Variants in MARCHF1 observed in about 807,000 individuals in gnomAD.
MARCHF1 encodes membrane associated ring-CH-type finger 1.
In MARCHF1, 40 loss-of-function variants were observed where a neutral mutation model predicts 54.2. That is an observed-to-expected ratio of 0.74 (90% CI 0.57 to 0.96). The LOEUF is 0.96. MARCHF1 is among the 40% of genes least tolerant of loss of function. MARCHF1 has a pLI of 0.00. For missense variants in MARCHF1, 586 were observed against 656.5 expected (o/e 0.89, Z 1.17); for synonymous variants, 236 against 236.3 (o/e 1.00, Z 0.01).
intron 8 of MARCHF1, chr4:163,585,343 T>C (rs906567841): frequency 3.3e-5 from 5 of 152,878 alleles, no homozygotes; most frequent in Non-Finnish European, 7.3e-5. Flanking sequence ...AGAAATTTGA[T>C]GAGTTGATGT....
rs1274008511 is a variant in MARCHF1, at chr4:163,833,597, GC to G, written c.111+20423del. Reference sequence around the variant, plus strand: ...CTTCTCAAAAGAAGACATTTATGCAGCCAAAAAACACATGAAAAAATGCTCA... The same window carrying G: ...CTTCTCAAAAGAAGACATTTATGCAGCAAAAAACACATGAAAAAATGCTCA... On this transcript the variant is annotated intron_variant, in intron 4 of 9. Coordinates refer to ENST00000514618, the MANE Select transcript of MARCHF1 (RefSeq NM_001394959.1). Among the ~76,000 whole-genome samples the G allele has an allele frequency of 2.0e-5, 3 of 152,102 alleles. No homozygotes were observed. In the South Asian group the frequency reaches 6.2e-4, roughly 31 times the overall value.
intron 5 of MARCHF1, among the ~76,000 whole-genome samples, chr4:163,657,783 C>T (rs1225814891): frequency 6.6e-6 from 1 of 152,056 alleles, no homozygotes; most frequent in Non-Finnish European, 1.5e-5. Context: ...TGATTTTCAA[C>T]AAACCTTACA....
intron 5 of MARCHF1, among the ~76,000 whole-genome samples, chr4:163,687,696 T>C (rs1435711192): frequency 6.6e-6 from 1 of 152,216 alleles, no homozygotes; most frequent in Non-Finnish European, 1.5e-5. Context: ...AGAGTTCTTC[T>C]GGTTCACCCT....
At chr4:164,156,171 G>C (rs758583090) in intron 1 of MARCHF1, among the ~76,000 whole-genome samples, 1 of 152,222 alleles carries the variant, frequency 6.6e-6, no homozygotes, top group South Asian at 2.1e-4. Flanking sequence ...AACTTTTAGA[G>C]GTGAGGCCCC....
intron 5 of MARCHF1, among the ~76,000 whole-genome samples, chr4:163,649,478 C>G (rs935147631): frequency 6.6e-6 from 1 of 151,956 alleles, no homozygotes; most frequent in South Asian, 2.1e-4. Flanking sequence ...AGAGATTGAT[C>G]TGGTGAAATT....
At chr4:164,371,237 C>T (rs1731029860) in intron 1 of MARCHF1, among the ~76,000 whole-genome samples, 1 of 151,904 alleles carries the variant, frequency 6.6e-6, no homozygotes, top group Admixed American at 6.6e-5. Context: ...TCCCTATTTC[C>T]AAAACAACTA....
intron 2 of MARCHF1, among the ~76,000 whole-genome samples, chr4:164,080,685 T>C (rs1755077671): frequency 6.6e-6 from 1 of 151,756 alleles, no homozygotes; most frequent in South Asian, 2.1e-4. Context: ...TATATATATA[T>C]GTGTGTGTAT....
At chr4:164,127,377 T>A (rs1290809099) in intron 1 of MARCHF1, among the ~76,000 whole-genome samples, 1 of 152,180 alleles carries the variant, frequency 6.6e-6, no homozygotes. Flanking sequence ...CCTGTCCATG[T>A]TGAAAGAGAT....
At chr4:163,727,421 C>G (rs1048103250) in intron 4 of MARCHF1, among the ~76,000 whole-genome samples, 2 of 152,020 alleles carry the variant, frequency 1.3e-5, no homozygotes, top group African/African-American at 4.8e-5. Flanking sequence ...CATTCTCCTG[C>G]CTCAGCCTCC....
chr4:164,362,089 GT>G (rs1240373805), intron 1 of MARCHF1, among the ~76,000 whole-genome samples: 1 of 152,050 alleles, frequency 6.6e-6, no homozygotes, highest in Non-Finnish European at 1.5e-5. Flanking sequence ...CACAAAAAAT[GT>G]AGTTTAAATT....
intron 2 of MARCHF1, among the ~76,000 whole-genome samples, chr4:164,046,070 C>A (rs937708701): frequency 6.6e-6 from 1 of 152,142 alleles, no homozygotes; most frequent in Non-Finnish European, 1.5e-5. Flanking sequence ...TCTCTAATTT[C>A]TAAATTAAAG....
At chr4:163,545,097 A>G (rs1306820933) in intron 9 of MARCHF1, among the ~76,000 whole-genome samples, 2 of 152,228 alleles carry the variant, frequency 1.3e-5, no homozygotes, top group African/African-American at 4.8e-5. Context: ...CTTCACAATC[A>G]AACTTCGCAT....
At chr4:164,239,271 A>G (rs1732657506) in intron 1 of MARCHF1, among the ~76,000 whole-genome samples, 1 of 152,114 alleles carries the variant, frequency 6.6e-6, no homozygotes, top group Admixed American at 6.5e-5. Context: ...TGATCAAAGT[A>G]TAGTATATTC....
At chr4:164,187,426 C>T (rs751337337) in intron 1 of MARCHF1, among the ~76,000 whole-genome samples, 25 of 152,142 alleles carry the variant, frequency 1.6e-4, no homozygotes, top group Non-Finnish European at 7.4e-5. Flanking sequence ...GGATTTCCAA[C>T]GCTCCTCAGT....
At chr4:163,817,641 T>A (rs1048793348) in intron 4 of MARCHF1, among the ~76,000 whole-genome samples, 2 of 152,102 alleles carry the variant, frequency 1.3e-5, no homozygotes, top group Non-Finnish European at 2.9e-5. Context: ...CCAAATTGAA[T>A]GTATGTAGAC....
intron 1 of MARCHF1, among the ~76,000 whole-genome samples, chr4:164,297,119 T>C (rs1348152505): frequency 3.3e-5 from 5 of 152,328 alleles, no homozygotes; most frequent in Middle Eastern, 6.8e-3. Flanking sequence ...GTACAGTGTA[T>C]TGACTATAGA....
intron 1 of MARCHF1, among the ~76,000 whole-genome samples, chr4:164,160,765 T>G (rs774924127): frequency 6.6e-6 from 1 of 152,138 alleles, no homozygotes; most frequent in Non-Finnish European, 1.5e-5. Context: ...ACAACTCAGC[T>G]TAAGATATAA....
chr4:164,209,644 T>C (rs1325459612), intron 1 of MARCHF1, among the ~76,000 whole-genome samples: 1 of 152,160 alleles, frequency 6.6e-6, no homozygotes, highest in South Asian at 2.1e-4. Flanking sequence ...AATATTAATA[T>C]TATGCTTTTA....
rs190631859 is a variant in MARCHF1, at chr4:164,134,785, A to T, written c.-322-23123T>A. On this transcript the variant is annotated intron_variant, in intron 1 of 9. Coordinates refer to ENST00000514618, the MANE Select transcript of MARCHF1 (RefSeq NM_001394959.1). ...TTCTTTTAGCATATGTTACCAACTT[A>T]AAAAAATACGAGATTCAAAGCACAA... Among the ~76,000 whole-genome samples, 71 of 152,128 alleles carry T rather than the reference A, an allele frequency of 4.7e-4. No homozygotes were observed. In the East Asian group the frequency reaches 0.011, roughly 23 times the overall value.
Sources: allele counts gnomAD v4.1 joint callset (sites outside exome capture counted in the v4.1 genomes callset), GRCh38; gene constraint gnomAD v4.1.1; transcripts MANE v1.5; gene names NCBI Gene and HGNC (gene_info 2026-07-23, HGNC 2026-07-21).